Variants in MLLT10 observed in about 807,000 individuals in gnomAD.
The protein encoded by MLLT10 is protein AF-10.
In MLLT10, 30 loss-of-function variants were observed where a neutral mutation model predicts 129.1. That is an observed-to-expected ratio of 0.23 (90% CI 0.17 to 0.32). The LOEUF (loss-of-function observed/expected upper bound fraction) is 0.32. MLLT10 is among the 10% of genes least tolerant of loss of function. MLLT10 has a pLI of 1.00. For missense variants in MLLT10, 1,119 were observed against 1,268.3 expected (o/e 0.88, Z 1.79); for synonymous variants, 490 against 446.4 (o/e 1.10, Z -1.23).
intron 10 of MLLT10, 40 bp downstream of exon 10, chr10:21,670,744 T>A: frequency 6.4e-7 from 1 of 1,570,456 alleles, no homozygotes; most frequent in Non-Finnish European, 8.6e-7. Context: ...GTGTTTAAGA[T>A]GGTTAATAAT....
In MLLT10 at chr10:21,738,612, G is replaced by GACTC. The variant is rs1222695574; in HGVS notation, c.2956-1417_2956-1414dup. ...CAGCTTCCGCTCGACACTCTTGCTT[G>GACTC]ACTCTGCTTCCCCCAGATGACTTGC... On this transcript the variant is annotated intron_variant, in intron 21 of 22. Transcript: ENST00000307729. 4.2e-6 allele frequency: 5 copies of GACTC among 1,184,054 alleles called. No homozygotes were observed. The African/African-American group carries it at 8.0e-5, about 19-fold the overall frequency. 73.3% of individuals were successfully genotyped at this position (1,184,054 alleles called of 1,614,324 possible).
intron 8 of MLLT10, among the ~76,000 whole-genome samples, chr10:21,619,055 C>CACACACAG (rs2045556048): frequency 1.3e-5 from 2 of 151,952 alleles, no homozygotes; most frequent in South Asian, 4.2e-4. Flanking sequence ...CACACACACA[C>CACACACAG]ACACACACAC....
chr10:21,656,710 A>G (rs2131336487), intron 9 of MLLT10, among the ~76,000 whole-genome samples: 1 of 152,340 alleles, frequency 6.6e-6, no homozygotes, highest in African/African-American at 2.4e-5. Context: ...CCTTTTAAAT[A>G]TTGCAACTAT....
At chr10:21,575,688 T>A (rs982934379) in intron 3 of MLLT10, among the ~76,000 whole-genome samples, 2 of 152,118 alleles carry the variant, frequency 1.3e-5, no homozygotes, top group Non-Finnish European at 2.9e-5. Context: ...TATTATTATT[T>A]TTATTTGGTT....
At chr10:21,665,306 G>GAT (rs2050668962) in intron 9 of MLLT10, among the ~76,000 whole-genome samples, 1 of 137,288 alleles carries the variant, frequency 7.3e-6, no homozygotes, top group South Asian at 2.5e-4. Flanking sequence ...TTTTTTGGGG[G>GAT]GGGGGGGGTT....
intron 9 of MLLT10, among the ~76,000 whole-genome samples, chr10:21,652,154 C>T (rs1427748299): frequency 6.6e-6 from 1 of 151,960 alleles, no homozygotes; most frequent in Admixed American, 6.6e-5. Context: ...CCTTGTGATC[C>T]GCCCACCTCA....
intron 9 of MLLT10, among the ~76,000 whole-genome samples, chr10:21,664,855 C>G (rs2050589368): frequency 6.6e-6 from 1 of 150,622 alleles, no homozygotes; most frequent in South Asian, 2.1e-4. Flanking sequence ...ATTTAGCTTT[C>G]TATTGATTAG....
chr10:21,619,275 A>T (rs887806283), intron 8 of MLLT10, among the ~76,000 whole-genome samples: 2 of 152,176 alleles, frequency 1.3e-5, no homozygotes, highest in Non-Finnish European at 2.9e-5. Context: ...TCAACTAAGG[A>T]TTCTTAGGCA....
At chr10:21,676,549 G>A (rs1398232599) in intron 11 of MLLT10, among the ~76,000 whole-genome samples, 4 of 150,988 alleles carry the variant, frequency 2.6e-5, no homozygotes, top group Middle Eastern at 3.4e-3. Flanking sequence ...GGTGAAACCC[G>A]GTCTCTACTA....
At chr10:21,726,126 C>T (rs2057490722) in intron 14 of MLLT10, 118 bp from the exon 15 acceptor site, 1 of 689,478 alleles carries the variant, frequency 1.5e-6, no homozygotes, top group Non-Finnish European at 2.3e-6. Context: ...TTCAGAAGGT[C>T]ACAAATTTTG....
At chr10:21,659,136 T>C (rs1589476212) in intron 9 of MLLT10, among the ~76,000 whole-genome samples, 2 of 150,576 alleles carry the variant, frequency 1.3e-5, no homozygotes, top group East Asian at 3.9e-4. Context: ...CAGATACTTA[T>C]CTCACTCTGT....
intron 2 of MLLT10, among the ~76,000 whole-genome samples, chr10:21,537,899 T>G (rs1038562479): frequency 7.9e-5 from 12 of 152,250 alleles, no homozygotes; most frequent in Non-Finnish European, 1.0e-4. Flanking sequence ...TTTGAGCTAA[T>G]TATTAACTTT....
intron 3 of MLLT10, among the ~76,000 whole-genome samples, chr10:21,558,410 C>T (rs2130987181): frequency 6.6e-6 from 1 of 152,132 alleles, no homozygotes; most frequent in East Asian, 1.9e-4. Context: ...TGATCATGAT[C>T]CTGCCACTCT....
intron 5 of MLLT10, among the ~76,000 whole-genome samples, chr10:21,597,457 C>T (rs1241505914): frequency 1.3e-5 from 2 of 152,178 alleles, no homozygotes; most frequent in African/African-American, 2.4e-5. Flanking sequence ...GCAGCCTCCA[C>T]CTCCTGGGTT....
intron 13 of MLLT10, among the ~76,000 whole-genome samples, chr10:21,686,106 A>G (rs2053264312): frequency 6.6e-6 from 1 of 152,204 alleles, no homozygotes; most frequent in East Asian, 1.9e-4. Context: ...AGCATTTAAA[A>G]TACTTCTATT....
At chr10:21,647,472 A>T (rs2048607303) in intron 8 of MLLT10, among the ~76,000 whole-genome samples, 1 of 152,160 alleles carries the variant, frequency 6.6e-6, no homozygotes, top group Admixed American at 6.5e-5. Context: ...CCTGGGGAAA[A>T]TAGCAAGACC....
At chr10:21,583,580 A>C (rs1445317004) in intron 3 of MLLT10, among the ~76,000 whole-genome samples, 2 of 152,182 alleles carry the variant, frequency 1.3e-5, no homozygotes, top group Admixed American at 6.6e-5. Flanking sequence ...TATACCACCA[A>C]CATCTTTGGG....
chr10:21,574,328 A>G (rs2040510960), intron 3 of MLLT10, among the ~76,000 whole-genome samples: 1 of 152,024 alleles, frequency 6.6e-6, no homozygotes, highest in South Asian at 2.1e-4. Flanking sequence ...TATTCTTGAT[A>G]TTGGTAATTT....
At position 21,652,464 on chromosome 10, in the gene MLLT10, C is replaced by T. The variant is rs572903516; in HGVS notation, c.795+696C>T. 9.9e-5 allele frequency among the ~76,000 whole-genome samples: 15 copies of T among 152,172 alleles called. No homozygotes were observed. The East Asian group carries it at 2.9e-3, about 29-fold the overall frequency. ...GGAAATTATTAATGAAATGGAATGA[C>T]AGAATATGTGTAAAGCAATTAGAAC... On this transcript the variant is annotated intron_variant, in intron 9 of 22. Coordinates refer to ENST00000307729, the MANE Select transcript of MLLT10 (RefSeq NM_001195626.3).
Sources: gnomAD v4.1 joint callset for allele counts (sites outside exome capture counted in the v4.1 genomes callset) on GRCh38, gnomAD v4.1.1 for gene constraint, MANE v1.5 for transcripts, NCBI Gene and HGNC (gene_info 2026-07-23, HGNC 2026-07-21) for gene names.